Variants in MAP3K20 observed in about 807,000 individuals in gnomAD.
MAP3K20 encodes the protein HCCS-4.
MAP3K20 carries 40 observed loss-of-function variants against 85.7 expected under a neutral mutation model. The ratio of observed to expected loss-of-function variants is 0.47; its 90% confidence interval spans 0.36 to 0.61. MAP3K20 has a LOEUF of 0.61. MAP3K20 is among the 20% of genes least tolerant of loss of function. The pLI, the probability that MAP3K20 is intolerant of heterozygous loss-of-function variation, is 0.00. For missense variants in MAP3K20, 817 were observed against 961.7 expected (o/e 0.85, Z 1.99); for synonymous variants, 325 against 327.7 (o/e 0.99, Z 0.09).
At chr2:173,149,755 C>T (rs190505421) in intron 2 of MAP3K20, among the ~76,000 whole-genome samples, 3 of 152,206 alleles carry the variant, frequency 2.0e-5, no homozygotes, top group East Asian at 1.9e-4. Context: ...CACAGCCTTT[C>T]GAGGGTTGAG....
intron 10 of MAP3K20, 62 bp downstream of exon 10, chr2:173,209,897 G>T: frequency 7.4e-7 from 1 of 1,358,890 alleles, no homozygotes; most frequent in South Asian, 1.2e-5. Flanking sequence ...TCGTCTCAAT[G>T]AAGAAGTGAA....
chr2:173,117,662 A>G (rs1688164616), intron 2 of MAP3K20, among the ~76,000 whole-genome samples: 1 of 152,194 alleles, frequency 6.6e-6, no homozygotes, highest in Non-Finnish European at 1.5e-5. Context: ...ATGATTACAC[A>G]GTATAGAATA....
intron 2 of MAP3K20, among the ~76,000 whole-genome samples, chr2:173,152,487 T>C (rs570973122): frequency 6.6e-6 from 1 of 152,302 alleles, no homozygotes; most frequent in East Asian, 1.9e-4. Context: ...ACACAAACAC[T>C]GCTTCAGTCA....
intron 2 of MAP3K20, among the ~76,000 whole-genome samples, chr2:173,143,634 C>A (rs749110254): frequency 8.5e-5 from 13 of 152,206 alleles, no homozygotes; most frequent in Non-Finnish European, 1.8e-4. Context: ...TATCTGCTCT[C>A]ATGATTTCTG....
intron 2 of MAP3K20, among the ~76,000 whole-genome samples, chr2:173,129,695 A>C (rs1239672200): frequency 6.6e-6 from 1 of 152,208 alleles, no homozygotes; most frequent in East Asian, 1.9e-4. Context: ...TGCTTTCATT[A>C]AGCGATATGG....
chr2:173,259,753 C>T (rs1266544514), intron 17 of MAP3K20, among the ~76,000 whole-genome samples: 1 of 152,224 alleles, frequency 6.6e-6, no homozygotes, highest in African/African-American at 2.4e-5. Flanking sequence ...CACTGTGCAT[C>T]TAGGAGTTAT....
At chr2:173,242,148 T>C (rs1264592826) in intron 16 of MAP3K20, among the ~76,000 whole-genome samples, 2 of 151,974 alleles carry the variant, frequency 1.3e-5, no homozygotes, top group Non-Finnish European at 2.9e-5. Context: ...AAAAGATTTG[T>C]GAACAGAGAT....
intron 2 of MAP3K20, among the ~76,000 whole-genome samples, chr2:173,095,097 C>T (rs571267587): frequency 2.0e-5 from 3 of 152,236 alleles, no homozygotes; most frequent in South Asian, 2.1e-4. Flanking sequence ...ATTGTTTGAT[C>T]GTATACTTAA....
At position 173,210,077 on chromosome 2, in the gene MAP3K20, C is replaced by T. The variant is rs538885304; in HGVS notation, c.851+242C>T. On this transcript the variant is annotated intron_variant, in intron 10 of 19. Transcript: ENST00000375213. ...ATTTGAAAAGAATATTGAGGCCGGT[C>T]GCGGTGGCTCACGCCTGTAATCCCA... 1.1e-4 allele frequency: 48 copies of T among 446,782 alleles called. No individual in the cohort carries two copies. In the Middle Eastern group the frequency reaches 2.0e-3, roughly 18 times the overall value. 27.7% of individuals were successfully genotyped at this position (446,782 alleles called of 1,614,324 possible).
chr2:173,173,785 G>A (rs895585307), intron 3 of MAP3K20, among the ~76,000 whole-genome samples: 1 of 152,048 alleles, frequency 6.6e-6, no homozygotes, highest in Non-Finnish European at 1.5e-5. Flanking sequence ...AGATTTCGTG[G>A]TAATGGTATT....
intron 1 of MAP3K20, among the ~76,000 whole-genome samples, chr2:173,079,965 A>G (rs933687183): frequency 2.0e-5 from 3 of 152,154 alleles, no homozygotes; most frequent in African/African-American, 4.8e-5. Context: ...TAAATGAGTA[A>G]CACAGTCATT....
At chr2:173,142,009 T>G (rs1688989345) in intron 2 of MAP3K20, among the ~76,000 whole-genome samples, 2 of 152,208 alleles carry the variant, frequency 1.3e-5, no homozygotes, top group Non-Finnish European at 2.9e-5. Flanking sequence ...ATAGACATTT[T>G]TAGATAAATG....
chr2:173,200,051 C>T (rs1690994026), intron 8 of MAP3K20, among the ~76,000 whole-genome samples: 1 of 152,152 alleles, frequency 6.6e-6, no homozygotes, highest in African/African-American at 2.4e-5. Flanking sequence ...ACTTCCCACA[C>T]TGTATTCATT....
intron 1 of MAP3K20, among the ~76,000 whole-genome samples, chr2:173,076,584 A>G (rs1156777342): frequency 1.3e-5 from 2 of 152,194 alleles, no homozygotes; most frequent in African/African-American, 2.4e-5. Flanking sequence ...TGTTTTCCTC[A>G]CACAATTAGG....
At chr2:173,217,368 G>C (rs979947434) in intron 11 of MAP3K20, 118 bp downstream of exon 11, 18 of 1,273,314 alleles carry the variant, frequency 1.4e-5, no homozygotes, top group Non-Finnish European at 1.8e-5. Context: ...TTCCTGCCTC[G>C]CGCCCGTGTA....
At chr2:173,223,804 TAGAGAA>T (rs1375901620) in intron 11 of MAP3K20, 2 of 985,282 alleles carry the variant, frequency 2.0e-6, no homozygotes, top group Non-Finnish European at 2.4e-6. Flanking sequence ...TGCTCAGACA[TAGAGAA>T]GTACTACCTG....
chr2:173,250,381 G>A (rs913897199), intron 16 of MAP3K20, among the ~76,000 whole-genome samples: 2 of 152,240 alleles, frequency 1.3e-5, no homozygotes, highest in African/African-American at 4.8e-5. Flanking sequence ...ACAGCAGGGA[G>A]AAGGAAATAG....
At chr2:173,182,072 T>A (rs914709702) in intron 3 of MAP3K20, among the ~76,000 whole-genome samples, 26 of 152,048 alleles carry the variant, frequency 1.7e-4, no homozygotes, top group African/African-American at 5.8e-4. Flanking sequence ...AACGAGACCC[T>A]GACTCCAGAA....
chr2:173,214,366 G>T (rs1684005908), intron 10 of MAP3K20: 2 of 152,148 alleles, frequency 1.3e-5, no homozygotes, highest in Non-Finnish European at 2.9e-5. Context: ...TGTGACTGTA[G>T]ACCTGTGGCA....
Sources: gnomAD v4.1 joint callset for allele counts (sites outside exome capture counted in the v4.1 genomes callset) on GRCh38, gnomAD v4.1.1 for gene constraint, MANE v1.5 for transcripts, NCBI Gene and HGNC (gene_info 2026-07-23, HGNC 2026-07-21) for gene names.